Variants in CSMD2 observed in about 807,000 individuals in gnomAD.
The protein encoded by CSMD2 is CUB and Sushi multiple domains 2, also known as CUB and sushi domain-containing protein 2.
A neutral mutation model predicts 398.5 loss-of-function variants in CSMD2; 130 were observed. The ratio of observed to expected loss-of-function variants is 0.33; its 90% CI spans 0.28 to 0.38. CSMD2 has a LOEUF of 0.38. CSMD2 is among the 10% of genes least tolerant of loss of function. The pLI is 1.00. For missense variants in CSMD2, 3,829 were observed against 4,764.9 expected (o/e 0.80, Z 5.78); for synonymous variants, 1,828 against 1,908.5 (o/e 0.96, Z 1.10).
intron 24 of CSMD2, among the ~76,000 whole-genome samples, chr1:33,698,197 G>A (rs1007422097): frequency 6.6e-6 from 1 of 152,210 alleles, no homozygotes; most frequent in Non-Finnish European, 1.5e-5. Context: ...AACCTCTGAT[G>A]ACATTCTGGA....
chr1:33,960,050 G>T (rs954699098), intron 3 of CSMD2, among the ~76,000 whole-genome samples: 2 of 152,148 alleles, frequency 1.3e-5, no homozygotes, highest in African/African-American at 2.4e-5. Flanking sequence ...GAAGCCCTCT[G>T]GGTCTCAGGA....
chr1:33,825,675 G>T, intron 7 of CSMD2, 22 bp downstream of exon 7: 1 of 1,565,440 alleles, frequency 6.4e-7, no homozygotes, highest in East Asian at 2.4e-5. Context: ...CCCGGCAGGC[G>T]GGCTGGCGGG....
At chr1:34,060,496 C>CT (rs1384553425) in intron 2 of CSMD2, among the ~76,000 whole-genome samples, 2 of 152,196 alleles carry the variant, frequency 1.3e-5, no homozygotes, top group African/African-American at 4.8e-5. Context: ...GGACAGGCAA[C>CT]TGCGGCAGCC....
rs1446374629 is a variant in CSMD2 at position 34,163,518 on chromosome 1, C to T, written c.187+1393G>A. 1.3e-5 allele frequency among the ~76,000 whole-genome samples: 2 copies of T among 152,178 alleles called. No individual in the cohort carries two copies. Among genetic ancestry groups the T allele is most frequent in the African/African-American group, 2.4e-5 (1 of 41,462 alleles). On this transcript the variant is annotated intron_variant, in intron 1 of 70. Coordinates refer to ENST00000373381, the MANE Select transcript of CSMD2 (RefSeq NM_001281956.2). The surrounding 1 kb of genome is among the most constrained non-coding windows in gnomAD (Gnocchi z 5.4). The stretch of plus-strand genomic sequence containing the variant: ...TCTGCGAGGACAGACTCACAAGACG[C>T]TGAAGGCCAGAGTGGGCCAGAGAGC...
intron 12 of CSMD2, among the ~76,000 whole-genome samples, chr1:33,784,631 A>C (rs1020876592): frequency 2.0e-5 from 3 of 152,098 alleles, no homozygotes; most frequent in Admixed American, 2.0e-4. Context: ...ATGGGGAGGG[A>C]GGGCCCTAGG....
chr1:33,912,402 G>A (rs990877003), intron 5 of CSMD2, among the ~76,000 whole-genome samples: 3 of 135,414 alleles, frequency 2.2e-5, no homozygotes, highest in Admixed American at 6.9e-5. Context: ...GACGACCCCC[G>A]CATCATACAC....
At chr1:33,557,064 C>T (rs186448522) in intron 55 of CSMD2, among the ~76,000 whole-genome samples, 1 of 152,124 alleles carries the variant, frequency 6.6e-6, no homozygotes, top group East Asian at 1.9e-4. Context: ...CCAGTTGTCC[C>T]CAATTCTTTT....
intron 34 of CSMD2, 39 bp downstream of exon 34, chr1:33,625,012 G>GC (rs751536447): frequency 2.5e-6 from 4 of 1,594,076 alleles, no homozygotes. Context: ...ACTACGTGCC[G>GC]CCCCCCGCAC....
At position 33,542,697 on chromosome 1, in the gene CSMD2, ACCCGTAGGGCCTGAG is replaced by A. The variant is rs1557507985; in HGVS notation, c.9277+8_9277+22del. ...GATCTGGGCCACTGTTGGCCATGGA[ACCCGTAGGGCCTGAG>A]CTCTCACCGAGGCACTCAGGGTCAC... On this transcript the variant is annotated splice_region_variant and intron_variant, in intron 58 of 70. Transcript: ENST00000373381. 1.9e-6 allele frequency: 3 copies of A among 1,598,868 alleles called. 1 individual carries two copies. In the East Asian group the frequency reaches 6.7e-5, roughly 36 times the overall value.
intron 21 of CSMD2, among the ~76,000 whole-genome samples, chr1:33,712,153 A>G (rs1198763611): frequency 2.0e-5 from 3 of 152,168 alleles, no homozygotes; most frequent in Non-Finnish European, 4.4e-5. Flanking sequence ...GTTGTACCTT[A>G]TCCATCAGCC....
intron 49 of CSMD2, among the ~76,000 whole-genome samples, chr1:33,575,154 C>T (rs1187839917): frequency 6.6e-6 from 1 of 152,140 alleles, no homozygotes; most frequent in Non-Finnish European, 1.5e-5. Context: ...GATACAATCA[C>T]AAAGTATTTG....
intron 6 of CSMD2, among the ~76,000 whole-genome samples, chr1:33,831,294 C>T (rs1333316114): frequency 6.6e-6 from 1 of 152,188 alleles, no homozygotes; most frequent in Non-Finnish European, 1.5e-5. Flanking sequence ...GGAAGCCCAT[C>T]AGACTAACAG....
intron 27 of CSMD2, among the ~76,000 whole-genome samples, 154 bp from the exon 28 acceptor site, chr1:33,652,615 C>T (rs1356251959): frequency 6.6e-6 from 1 of 152,150 alleles, no homozygotes; most frequent in Non-Finnish European, 1.5e-5. Flanking sequence ...AAATGATGGA[C>T]TTCTACTTTG....
intron 2 of CSMD2, among the ~76,000 whole-genome samples, chr1:34,054,861 C>T (rs1430256839): frequency 1.3e-5 from 2 of 152,164 alleles, no homozygotes; most frequent in Non-Finnish European, 2.9e-5. Context: ...CCCAGAACTA[C>T]GTCTCTGTAA....
intron 56 of CSMD2, among the ~76,000 whole-genome samples, chr1:33,548,543 A>G (rs1657126890): frequency 6.6e-6 from 1 of 152,196 alleles, no homozygotes; most frequent in Admixed American, 6.5e-5. Context: ...ACACAATGAG[A>G]CTAAAAACTT....
chr1:33,561,399 C>T (rs1658529302), intron 53 of CSMD2, among the ~76,000 whole-genome samples: 1 of 152,280 alleles, frequency 6.6e-6, no homozygotes, highest in African/African-American at 2.4e-5. Context: ...TCACTTTGAG[C>T]CTTGGTTTCT....
At chr1:33,528,378 G>A (rs1476548222) in intron 64 of CSMD2, among the ~76,000 whole-genome samples, 2 of 152,270 alleles carry the variant, frequency 1.3e-5, no homozygotes, top group African/African-American at 2.4e-5. Context: ...CTGCCTTGTC[G>A]CCATTAAGGG....
intron 25 of CSMD2, among the ~76,000 whole-genome samples, chr1:33,682,223 C>T (rs931806041): frequency 1.3e-5 from 2 of 152,208 alleles, no homozygotes; most frequent in African/African-American, 4.8e-5. Flanking sequence ...TAAAATCTCC[C>T]TCTGTCTTCT....
intron 4 of CSMD2, among the ~76,000 whole-genome samples, chr1:33,934,815 GA>G: frequency 7.2e-6 from 1 of 139,836 alleles, no homozygotes; most frequent in East Asian, 2.0e-4. Context: ...GGGCAACATA[GA>G]GAGACTCTGT....
Sources: gnomAD v4.1 joint callset for allele counts (sites outside exome capture counted in the v4.1 genomes callset) on GRCh38, gnomAD v4.1.1 for gene constraint, Gnocchi (gnomAD v3.1) non-coding constraint, MANE v1.5 for transcripts, NCBI Gene and HGNC (gene_info 2026-07-23, HGNC 2026-07-21) for gene names.